Variants in GPC6 observed in about 807,000 individuals in gnomAD.
The protein encoded by GPC6 is glypican 6.
A neutral mutation model predicts 55.2 loss-of-function variants in GPC6; 14 were observed. The observed-to-expected ratio is 0.25, with a 90% CI of 0.17 to 0.40. GPC6 has a LOEUF of 0.40. Ranked by LOEUF, GPC6 falls within the 10% of genes least tolerant of loss-of-function variation. GPC6 has a pLI of 1.00. For synonymous variants in GPC6, 278 were observed against 259.6 expected, an observed-to-expected ratio of 1.07 and a Z score of -0.68; for missense variants, 641 against 708.5, an observed-to-expected ratio of 0.90 and a Z score of 1.08.
chr13:93,995,808 G>C (rs1165098983), intron 3 of GPC6, among the ~76,000 whole-genome samples: 2 of 152,086 alleles, frequency 1.3e-5, no homozygotes, highest in African/African-American at 4.8e-5. Flanking sequence ...ACTGGGGATA[G>C]GAAATGAATG....
At chr13:93,938,542 TCA>T in intron 3 of GPC6, among the ~76,000 whole-genome samples, 2 of 152,190 alleles carry the variant, frequency 1.3e-5, no homozygotes, top group Admixed American at 1.3e-4. Flanking sequence ...ATACAAAATT[TCA>T]ATGGCCAAGA....
At chr13:94,150,357 C>T (rs759485098) in intron 4 of GPC6, among the ~76,000 whole-genome samples, 1 of 152,028 alleles carries the variant, frequency 6.6e-6, no homozygotes, top group Non-Finnish European at 1.5e-5. Flanking sequence ...TTGCAGCCAG[C>T]GTGAGCATTT....
chr13:93,485,167 G>T (rs1008238353), intron 1 of GPC6, among the ~76,000 whole-genome samples: 3 of 152,116 alleles, frequency 2.0e-5, no homozygotes, highest in Non-Finnish European at 4.4e-5. Flanking sequence ...TTTAAAATAC[G>T]ACTAAAATTA....
chr13:93,527,114 TTTGA>T (rs1007845081), intron 1 of GPC6, among the ~76,000 whole-genome samples: 4 of 152,082 alleles, frequency 2.6e-5, no homozygotes, highest in Non-Finnish European at 5.9e-5. Flanking sequence ...ACAATGTTAT[TTTGA>T]TATACATATA....
At chr13:93,362,716 G>T (rs1489076104) in intron 1 of GPC6, among the ~76,000 whole-genome samples, 1 of 151,930 alleles carries the variant, frequency 6.6e-6, no homozygotes, top group Non-Finnish European at 1.5e-5. Flanking sequence ...TTGAGGTGAG[G>T]TCTTACATAG....
intron 4 of GPC6, among the ~76,000 whole-genome samples, chr13:94,107,705 A>G (rs1886107178): frequency 1.3e-5 from 2 of 152,006 alleles, no homozygotes; most frequent in Non-Finnish European, 2.9e-5. Flanking sequence ...AAAACAAACA[A>G]TCCCATCAAA....
intron 4 of GPC6, among the ~76,000 whole-genome samples, chr13:94,086,081 G>A (rs1251014243): frequency 1.3e-5 from 2 of 150,532 alleles, no homozygotes; most frequent in Non-Finnish European, 3.0e-5. Flanking sequence ...TTTGTTTCTA[G>A]GTTAGAGATT....
chr13:94,046,778 A>C (rs1392873679), intron 4 of GPC6, among the ~76,000 whole-genome samples: 1 of 152,010 alleles, frequency 6.6e-6, no homozygotes, highest in Admixed American at 6.6e-5. Context: ...ATTTAAATAA[A>C]CCTCCTCCAC....
At chr13:93,316,006 T>C (rs1879235230) in intron 1 of GPC6, among the ~76,000 whole-genome samples, 1 of 152,096 alleles carries the variant, frequency 6.6e-6, no homozygotes, top group Admixed American at 6.6e-5. Flanking sequence ...CTCAATGATT[T>C]TTTCACAGGG....
intron 2 of GPC6, among the ~76,000 whole-genome samples, chr13:93,644,609 A>G: frequency 6.6e-6 from 1 of 152,206 alleles, no homozygotes; most frequent in East Asian, 1.9e-4. Context: ...GCAGGATTAC[A>G]GGATTTTTAA....
At chr13:94,217,565 C>A (rs990983174) in intron 4 of GPC6, among the ~76,000 whole-genome samples, 1 of 152,184 alleles carries the variant, frequency 6.6e-6, no homozygotes, top group African/African-American at 2.4e-5. Flanking sequence ...GTAACTACTA[C>A]AACAGCCTAT....
At chr13:93,965,537 T>C (rs2140388528) in intron 3 of GPC6, among the ~76,000 whole-genome samples, 1 of 152,318 alleles carries the variant, frequency 6.6e-6, no homozygotes, top group East Asian at 1.9e-4. Context: ...ATATGGTAGA[T>C]GTGATGCCAT....
chr13:93,763,007 G>A (rs1047889420), intron 2 of GPC6, among the ~76,000 whole-genome samples: 3 of 152,180 alleles, frequency 2.0e-5, no homozygotes, highest in African/African-American at 7.2e-5. Flanking sequence ...CAGTTAGCTG[G>A]AGTGCTTTAT....
At chr13:93,902,824 G>A (rs888321575) in intron 3 of GPC6, among the ~76,000 whole-genome samples, 6 of 152,202 alleles carry the variant, frequency 3.9e-5, no homozygotes, top group African/African-American at 9.6e-5. Context: ...TTACACATTT[G>A]TGTGTCTTCT....
rs375102192 is a variant in GPC6 at position 93,687,732 on chromosome 13, G to A, written c.319+142311G>A. On this transcript the variant is annotated intron_variant, in intron 2 of 8. Transcript: ENST00000377047. Reference sequence around the variant, plus strand: ...ATCTGTTACTACTATTTTTAAATAGGCTAGTTTTACCAAACCTATCAAGAA... The same window carrying A: ...ATCTGTTACTACTATTTTTAAATAGACTAGTTTTACCAAACCTATCAAGAA... Among the ~76,000 whole-genome samples the A allele has an allele frequency of 1.3e-4, 20 of 151,992 alleles. No homozygotes were observed. The South Asian group carries it at 4.0e-3, about 30-fold the overall frequency.
At chr13:93,836,584 G>A (rs1482081956) in intron 3 of GPC6, among the ~76,000 whole-genome samples, 1 of 152,140 alleles carries the variant, frequency 6.6e-6, no homozygotes, top group African/African-American at 2.4e-5. Flanking sequence ...ATAATATACA[G>A]TGTTATGAAT....
chr13:93,219,668 ACTT>A, the GPC6 span, among the ~76,000 whole-genome samples: 2 of 152,158 alleles, frequency 1.3e-5, no homozygotes, highest in East Asian at 3.9e-4. Flanking sequence ...TTATTAGAAA[ACTT>A]CTCAAATTAA....
chr13:94,266,243 A>T (rs540520950), intron 4 of GPC6, among the ~76,000 whole-genome samples: 9 of 150,366 alleles, frequency 6.0e-5, no homozygotes, highest in African/African-American at 2.0e-4. Context: ...ATCTTGGCTC[A>T]CTGCAAGCTC....
chr13:93,724,658 T>C (rs908412721), intron 2 of GPC6, among the ~76,000 whole-genome samples: 1 of 152,030 alleles, frequency 6.6e-6, no homozygotes, highest in African/African-American at 2.4e-5. Context: ...ATCTGAGAAA[T>C]AAAGATTCAA....
Sources: gnomAD v4.1 joint callset for allele counts (sites outside exome capture counted in the v4.1 genomes callset) on GRCh38, gnomAD v4.1.1 for gene constraint, MANE v1.5 for transcripts, NCBI Gene and HGNC (gene_info 2026-07-23, HGNC 2026-07-21) for gene names.